GALNT18: variants seen among roughly 807,000 people sequenced by gnomAD.
GALNT18 encodes the protein GalNAc-transferase 18.
Under a neutral mutation model 69.5 loss-of-function variants are expected in GALNT18, and 44 were observed. The ratio of observed to expected loss-of-function variants is 0.63; its 90% CI spans 0.50 to 0.81. The LOEUF (loss-of-function observed/expected upper bound fraction) is 0.81, where lower values mean the gene tolerates loss of function less well. GALNT18 is among the 40% of genes least tolerant of loss of function. The pLI, the probability that GALNT18 is intolerant of heterozygous loss-of-function variation, is 0.00. For synonymous variants in GALNT18, 364 were observed against 318.2 expected (o/e 1.14, Z -1.53); for missense variants, 715 against 810.0 (o/e 0.88, Z 1.42).
In GALNT18 at chr11:11,496,415, G is replaced by T. The variant is rs1198458571; in HGVS notation, c.236-47479C>A. ...CTGACTCAGTTGAACCCAACTAGCA[G>T]CCCCTCAAGTTTAGCCCAAACTTAC... On this transcript the variant is annotated intron_variant, in intron 1 of 10. Coordinates refer to ENST00000227756, the MANE Select transcript of GALNT18 (RefSeq NM_198516.3). This position sits in a 1 kb window ranked among gnomAD's most constrained non-coding sequence, Gnocchi z 4.0. Among the ~76,000 whole-genome samples the T allele has an allele frequency of 6.6e-6, 1 of 152,154 alleles. No individual in the cohort carries two copies. The highest frequency in any genetic ancestry group is 1.5e-5 in the Non-Finnish European group (1 of 68,036).
At chr11:11,476,068 T>A (rs982262403) in intron 1 of GALNT18, 8 of 152,222 alleles carry the variant, frequency 5.3e-5, no homozygotes, top group African/African-American at 1.9e-4. Context: ...CCCTTCCCTG[T>A]TCAGCCTTCC....
intron 3 of GALNT18, among the ~76,000 whole-genome samples, chr11:11,426,276 C>T (rs967160115): frequency 1.4e-4 from 21 of 152,212 alleles, no homozygotes; most frequent in African/African-American, 5.1e-4. Context: ...AACAGGGAAG[C>T]CCCAAGGACC....
intron 9 of GALNT18, among the ~76,000 whole-genome samples, chr11:11,298,197 T>C (rs73415695): frequency 0.012 from 1,760 of 152,218 alleles, 31 homozygotes; most frequent in African/African-American, 0.04. Context: ...AAGCCACCCC[T>C]CACATGTGTC....
chr11:11,417,513 T>C (rs1434777847), intron 3 of GALNT18, among the ~76,000 whole-genome samples: 1 of 152,166 alleles, frequency 6.6e-6, no homozygotes, highest in Non-Finnish European at 1.5e-5. Flanking sequence ...GACCTGCCCA[T>C]GTGTCTTGTT....
intron 1 of GALNT18, among the ~76,000 whole-genome samples, chr11:11,527,072 T>C (rs1259594772): frequency 6.6e-6 from 1 of 152,144 alleles, no homozygotes; most frequent in Non-Finnish European, 1.5e-5. Context: ...AGATTGCCAA[T>C]GACCTTGGCA....
Position 11,332,493 on chromosome 11 carries a change from G to A in GALNT18, c.1416+201C>T, listed in dbSNP as rs1472070245. Among the ~76,000 whole-genome samples, 1 of 152,230 alleles carries A rather than the reference G, an allele frequency of 6.6e-6. No individual in the cohort carries two copies. The highest frequency in any genetic ancestry group is 2.4e-5 in the African/African-American group (1 of 41,454). On this transcript the variant is annotated intron_variant, in intron 8 of 10. Coordinates refer to ENST00000227756, the MANE Select transcript of GALNT18 (RefSeq NM_198516.3). This position sits in a 1 kb window ranked among gnomAD's most constrained non-coding sequence, Gnocchi z 4.3. Reference sequence around the variant, plus strand: ...GCTTAGGACTATAAAGGAGAGACAAGTACCTCTCTCAAGGGACTGGAGGGG... The same window carrying A: ...GCTTAGGACTATAAAGGAGAGACAAATACCTCTCTCAAGGGACTGGAGGGG...
At chr11:11,516,317 C>G (rs1857274976) in intron 1 of GALNT18, among the ~76,000 whole-genome samples, 1 of 152,202 alleles carries the variant, frequency 6.6e-6, no homozygotes, top group African/African-American at 2.4e-5. Flanking sequence ...CTTAAATTCT[C>G]GTCTCAGCAC....
intron 10 of GALNT18, among the ~76,000 whole-genome samples, chr11:11,289,459 A>T (rs537823377): frequency 6.6e-6 from 1 of 152,020 alleles, no homozygotes; most frequent in Non-Finnish European, 1.5e-5. Context: ...GTTGACTGCT[A>T]TGTCTGTTTA....
chr11:11,579,633 T>G (rs7122955), intron 1 of GALNT18, among the ~76,000 whole-genome samples: 1 of 152,178 alleles, frequency 6.6e-6, no homozygotes, highest in East Asian at 1.9e-4. Flanking sequence ...GACTGACACC[T>G]GGAGCTCCTT....
At chr11:11,363,040 T>C (rs1478639767) in intron 6 of GALNT18, among the ~76,000 whole-genome samples, 2 of 152,088 alleles carry the variant, frequency 1.3e-5, no homozygotes, top group Non-Finnish European at 2.9e-5. Flanking sequence ...AGTGAGATAA[T>C]AAAAATGTGC....
intron 10 of GALNT18, among the ~76,000 whole-genome samples, chr11:11,281,101 C>G (rs1457610997): frequency 6.6e-6 from 1 of 152,224 alleles, no homozygotes; most frequent in East Asian, 1.9e-4. Context: ...AGTGGTTTGT[C>G]TTCCCCACCA....
intron 9 of GALNT18, among the ~76,000 whole-genome samples, chr11:11,325,787 AC>A (rs1422642073): frequency 1.3e-5 from 2 of 152,144 alleles, no homozygotes; most frequent in Admixed American, 6.5e-5. Context: ...GTGTTGCCAT[AC>A]TGGGTTGTGT....
Position 11,452,475 on chromosome 11 carries a change from G to A in GALNT18, c.236-3539C>T, listed in dbSNP as rs80024243. Among the ~76,000 whole-genome samples the A allele has an allele frequency of 8.6e-3, 1,313 of 152,354 alleles. 22 individuals are homozygous for A. The highest frequency in any genetic ancestry group is 0.03 in the African/African-American group (1,264 of 41,576). ...CCCACAGCCCTATCGGGCCGCCGGA[G>A]TTGGGACAGGAAGGTGACCTTGCCA... On this transcript the variant is annotated intron_variant, in intron 1 of 10. Coordinates refer to ENST00000227756, the MANE Select transcript of GALNT18 (RefSeq NM_198516.3).
rs1859171840 is a variant in GALNT18 at position 11,584,683 on chromosome 11, A to G, written c.235+36676T>C. On this transcript the variant is annotated intron_variant, in intron 1 of 10. Coordinates refer to ENST00000227756, the MANE Select transcript of GALNT18 (RefSeq NM_198516.3). The surrounding 1 kb of genome is among the most constrained non-coding windows in gnomAD (Gnocchi z 4.1). ...TGCTATCTTATAAGCACACATACAC[A>G]TAAAGCACTTCTGCTGCAGACTGAA... Among the ~76,000 whole-genome samples the G allele has an allele frequency of 6.6e-6, 1 of 152,228 alleles. No homozygotes were observed. Among genetic ancestry groups the G allele is most frequent in the South Asian group, 2.1e-4 (1 of 4,824 alleles).
chr11:11,337,089 G>C lies in GALNT18; in HGVS notation c.1278+3730C>G, dbSNP rs1337312255. On this transcript the variant is annotated intron_variant, in intron 7 of 10. Transcript: ENST00000227756. This position sits in a 1 kb window ranked among gnomAD's most constrained non-coding sequence, Gnocchi z 4.9. ...TGGCCACCCTAAACTCTCATCTGGA[G>C]GGCTTTTTGTAGATTCTGGCACCTA... is the stretch of plus-strand genomic sequence containing the variant. Among the ~76,000 whole-genome samples, 1 of 152,144 alleles carries C rather than the reference G, an allele frequency of 6.6e-6. No individual in the cohort carries two copies. Among genetic ancestry groups the C allele is most frequent in the African/African-American group, 2.4e-5 (1 of 41,434 alleles).
chr11:11,509,012 C>T (rs1012081489), intron 1 of GALNT18, among the ~76,000 whole-genome samples: 1 of 152,172 alleles, frequency 6.6e-6, no homozygotes, highest in Non-Finnish European at 1.5e-5. Flanking sequence ...CCCCAGCTCC[C>T]ACCCCTCTCC....
rs1008855575 is a variant in GALNT18 at position 11,543,918 on chromosome 11, G to T, written c.235+77441C>A. Among the ~76,000 whole-genome samples the T allele has an allele frequency of 1.8e-4, 28 of 152,180 alleles. No individual in the cohort carries two copies. Among genetic ancestry groups the T allele is most frequent in the Non-Finnish European group, 2.9e-5 (2 of 68,044 alleles). ...TTTCCTAAGTGACTTCCTCACTCCA[G>T]GCCCAAGCCAAGAAACATGAACAAT... On this transcript the variant is annotated intron_variant, in intron 1 of 10. Transcript: ENST00000227756. The surrounding 1 kb of genome is among the most constrained non-coding windows in gnomAD (Gnocchi z 5.1).
At chr11:11,370,502 G>A (rs191220527) in intron 6 of GALNT18, among the ~76,000 whole-genome samples, 1 of 152,010 alleles carries the variant, frequency 6.6e-6, no homozygotes, top group East Asian at 1.9e-4. Context: ...CAAGTTAACA[G>A]CTTGTTGGTT....
intron 9 of GALNT18, among the ~76,000 whole-genome samples, chr11:11,310,927 T>C (rs990489407): frequency 6.6e-6 from 1 of 152,220 alleles, no homozygotes; most frequent in Admixed American, 6.5e-5. Flanking sequence ...GTTGCCCTGA[T>C]ATAAACATTA....
Sources: gnomAD v4.1 joint callset for allele counts (sites outside exome capture counted in the v4.1 genomes callset) on GRCh38, gnomAD v4.1.1 for gene constraint, Gnocchi (gnomAD v3.1) non-coding constraint, MANE v1.5 for transcripts, NCBI Gene and HGNC (gene_info 2026-07-23, HGNC 2026-07-21) for gene names.